SLC25A48: variants seen among roughly 807,000 people sequenced by gnomAD.
SLC25A48 encodes CTC-321K16.1.
A neutral mutation model predicts 32.2 loss-of-function variants in SLC25A48; 29 were observed. The ratio of observed to expected loss-of-function variants is 0.90; its 90% CI spans 0.67 to 1.23. SLC25A48 has a LOEUF of 1.23. SLC25A48 is among the 50% of genes most tolerant of loss of function. The pLI, the probability that SLC25A48 is intolerant of heterozygous loss-of-function variation, is 0.00. For missense variants in SLC25A48, 399 were observed against 422.7 expected, an observed-to-expected ratio of 0.94 and a Z score of 0.49; for synonymous variants, 164 against 172.3, an observed-to-expected ratio of 0.95 and a Z score of 0.38.
At chr5:135,871,022 T>C (rs1761591648) in intron 4 of SLC25A48, among the ~76,000 whole-genome samples, 1 of 151,050 alleles carries the variant, frequency 6.6e-6, no homozygotes, top group Admixed American at 6.6e-5. Context: ...CATATACATT[T>C]TGCTCCGCCA....
intron 3 of SLC25A48, among the ~76,000 whole-genome samples, chr5:135,718,066 G>A (rs1008400995): frequency 2.6e-5 from 4 of 152,008 alleles, no homozygotes; most frequent in Non-Finnish European, 4.4e-5. Flanking sequence ...GGGGTGTAGC[G>A]GCATGATCTC....
intron 3 of SLC25A48, among the ~76,000 whole-genome samples, chr5:135,767,160 T>C (rs925193233): frequency 2.1e-5 from 3 of 146,028 alleles, no homozygotes; most frequent in African/African-American, 7.6e-5. Flanking sequence ...GAGGGTTATA[T>C]TGCTCCCAAT....
chr5:135,622,742 G>T (rs761242224), intron 1 of SLC25A48, among the ~76,000 whole-genome samples: 5 of 152,106 alleles, frequency 3.3e-5, no homozygotes, highest in Non-Finnish European at 7.3e-5. Flanking sequence ...AATTTTGTGC[G>T]ATGTACATGT....
intron 1 of SLC25A48, chr5:135,609,802 C>T (rs1379602758): frequency 6.6e-6 from 1 of 152,190 alleles, no homozygotes; most frequent in Non-Finnish European, 1.5e-5. Context: ...AATACGTGTA[C>T]ATTCATATAT....
At position 135,782,109 on chromosome 5, in the gene SLC25A48, T is replaced by A. The variant is rs527497413; in HGVS notation, c.-520-30414T>A. On this transcript the variant is annotated intron_variant, in intron 3 of 10. Transcript: ENST00000646290. Reference sequence around the variant, plus strand: ...AGAGATTAGGATACTAGACCCAATATAACAGGGGTTGAACATCTCCCCTGT... The same window carrying A: ...AGAGATTAGGATACTAGACCCAATAAAACAGGGGTTGAACATCTCCCCTGT... 2.6e-5 allele frequency among the ~76,000 whole-genome samples: 3 copies of A among 116,218 alleles called. No individual in the cohort carries two copies. The East Asian group carries it at 6.5e-4, about 25-fold the overall frequency. The allele number at this position is 116,218 out of a possible 152,430, so 76.2% of individuals were successfully genotyped here. A position where few individuals can be genotyped will look rare whatever the true frequency, so the allele number is the denominator to read the frequency against.
chr5:135,887,931 A>C (rs1419441907), intron 7 of SLC25A48, 101 bp from the exon 8 acceptor site: 5 of 1,134,378 alleles, frequency 4.4e-6, no homozygotes, highest in African/African-American at 1.6e-5. Flanking sequence ...TGTAAAGTGC[A>C]AAACATAGGG....
chr5:135,884,749 T>C lies in SLC25A48; in HGVS notation c.*8-3283T>C, dbSNP rs2126846501. Among the ~76,000 whole-genome samples, 3 of 152,270 alleles carry C rather than the reference T, an allele frequency of 2.0e-5. No homozygotes were observed. In the South Asian group the frequency reaches 6.2e-4, roughly 32 times the overall value. The stretch of plus-strand genomic sequence containing the variant: ...TCTTAAGTCTGCCTCAACTGGACCA[T>C]TTCCCGGTGCGAGGCATGCTTGCAC... On this transcript the variant is annotated intron_variant, in intron 7 of 7. Transcript: ENST00000681962.
chr5:135,790,351 G>A (rs1301243962), intron 3 of SLC25A48, among the ~76,000 whole-genome samples: 1 of 151,774 alleles, frequency 6.6e-6, no homozygotes, highest in Non-Finnish European at 1.5e-5. Flanking sequence ...ATGTCCTAGG[G>A]AAATATGTGG....
At chr5:135,767,240 A>G (rs1454466041) in intron 3 of SLC25A48, among the ~76,000 whole-genome samples, 1 of 149,346 alleles carries the variant, frequency 6.7e-6, no homozygotes, top group African/African-American at 2.4e-5. Flanking sequence ...GGGTGATATT[A>G]CTATCTATAT....
At chr5:135,660,335 C>T (rs1296617139) in intron 3 of SLC25A48, among the ~76,000 whole-genome samples, 3 of 152,174 alleles carry the variant, frequency 2.0e-5, no homozygotes, top group Non-Finnish European at 1.5e-5. Flanking sequence ...TCCAACCCCA[C>T]CCAACTCTGT....
chr5:135,762,275 T>C (rs1756079410), intron 3 of SLC25A48, among the ~76,000 whole-genome samples: 1 of 152,074 alleles, frequency 6.6e-6, no homozygotes. Flanking sequence ...ATGCATGAGG[T>C]GCAGGGAGAG....
At chr5:135,853,796 G>A (rs1760090611) in intron 4 of SLC25A48, among the ~76,000 whole-genome samples, 1 of 152,126 alleles carries the variant, frequency 6.6e-6, no homozygotes, top group Non-Finnish European at 1.5e-5. Flanking sequence ...ATCTAGAATG[G>A]TGAATTTTTT....
chr5:135,783,248 A>G (rs1190739139), intron 3 of SLC25A48, among the ~76,000 whole-genome samples: 1 of 119,678 alleles, frequency 8.4e-6, no homozygotes, highest in Admixed American at 8.4e-5. Context: ...CATGAGGCAT[A>G]CATATCCACT....
intron 4 of SLC25A48, among the ~76,000 whole-genome samples, chr5:135,853,669 C>T (rs532353414): frequency 1.1e-4 from 17 of 152,292 alleles, no homozygotes; most frequent in African/African-American, 4.1e-4. Flanking sequence ...TTCCTTCCTC[C>T]ATGGAAGCCT....
chr5:135,660,325 T>C (rs1753367380), intron 3 of SLC25A48, among the ~76,000 whole-genome samples: 2 of 152,138 alleles, frequency 1.3e-5, no homozygotes, highest in South Asian at 4.2e-4. Flanking sequence ...ACCACCATAA[T>C]CCAACCCCAC....
chr5:135,730,065 A>AGCTTTGGG (rs1229299013), intron 3 of SLC25A48, among the ~76,000 whole-genome samples: 3 of 152,204 alleles, frequency 2.0e-5, no homozygotes, highest in Admixed American at 6.5e-5. Flanking sequence ...GCAGGCAAGA[A>AGCTTTGGG]GCTTTGGGGC....
At chr5:135,643,470 C>T (rs1199091170) in intron 3 of SLC25A48, among the ~76,000 whole-genome samples, 3 of 152,146 alleles carry the variant, frequency 2.0e-5, no homozygotes, top group African/African-American at 4.8e-5. Flanking sequence ...CCAAGATGGC[C>T]CCATCACTGC....
rs7712776 is a variant in SLC25A48, at chr5:135,779,885, C to G, written c.-520-32638C>G. ...AGGGGGAGGAGAGAGTGATATTGCT[C>G]TTAGTATTTCAGGGATGTACACACC... is the stretch of plus-strand genomic sequence containing the variant. On this transcript the variant is annotated intron_variant, in intron 3 of 10. Transcript: ENST00000646290. 7.4e-3 allele frequency among the ~76,000 whole-genome samples: 854 copies of G among 115,170 alleles called. 106 individuals carry two copies. Among genetic ancestry groups the G allele is most frequent in the African/African-American group, 0.021 (813 of 38,116 alleles). 75.6% of individuals were successfully genotyped at this position (115,170 alleles called of 152,430 possible).
intron 4 of SLC25A48, among the ~76,000 whole-genome samples, chr5:135,817,083 A>G (rs569805038): frequency 6.6e-6 from 1 of 152,384 alleles, no homozygotes; most frequent in Admixed American, 6.5e-5. Flanking sequence ...GCTATCAAGG[A>G]ATATAGCAAA....
Sources: gnomAD v4.1 joint callset for allele counts (sites outside exome capture counted in the v4.1 genomes callset) on GRCh38, gnomAD v4.1.1 for gene constraint, MANE v1.5 for transcripts, NCBI Gene and HGNC (gene_info 2026-07-23, HGNC 2026-07-21) for gene names.